DPYD: variants seen among roughly 807,000 people sequenced by gnomAD.
DPYD encodes the protein dihydropyrimidine dehydrogenase, also known as dihydropyrimidine dehydrogenase [NADP(+)].
DPYD carries 109 observed loss-of-function variants against 116.2 expected under a neutral mutation model. That is an observed-to-expected ratio of 0.94 (90% CI 0.80 to 1.10). DPYD has a LOEUF of 1.10. DPYD is among the 50% of genes least tolerant of loss of function. DPYD has a pLI of 0.00. For synonymous variants in DPYD, 440 were observed against 432.0 expected, an observed-to-expected ratio of 1.02 and a Z score of -0.23; for missense variants, 1,302 against 1,254.5, an observed-to-expected ratio of 1.04 and a Z score of -0.57.
At chr1:97,281,827 A>G (rs1665342077) in intron 18 of DPYD, among the ~76,000 whole-genome samples, 1 of 152,112 alleles carries the variant, frequency 6.6e-6, no homozygotes, top group Admixed American at 6.6e-5. Flanking sequence ...ACAAAGTGCA[A>G]TATCATGAGT....
chr1:97,220,624 T>C (rs1260507560), intron 19 of DPYD, among the ~76,000 whole-genome samples: 2 of 152,294 alleles, frequency 1.3e-5, no homozygotes, highest in African/African-American at 4.8e-5. Context: ...GATAGTTCAT[T>C]GAGGACATTA....
At chr1:97,147,638 G>C (rs1328159077) in intron 20 of DPYD, among the ~76,000 whole-genome samples, 3 of 152,100 alleles carry the variant, frequency 2.0e-5, no homozygotes, top group African/African-American at 4.8e-5. Context: ...ATAAAGATAA[G>C]ACTATCCAAA....
At chr1:97,582,631 T>C (rs770074182) in intron 10 of DPYD, among the ~76,000 whole-genome samples, 1 of 152,212 alleles carries the variant, frequency 6.6e-6, no homozygotes, top group Non-Finnish European at 1.5e-5. Flanking sequence ...TTCTTTTAAT[T>C]AGGCAAAAAA....
chr1:97,540,131 C>T (rs111710181), intron 12 of DPYD, among the ~76,000 whole-genome samples: 2,678 of 151,468 alleles, frequency 0.018, 34 homozygotes, highest in Non-Finnish European at 0.028. Context: ...CTGACACTAT[C>T]TACCTGATGA....
At chr1:97,164,196 T>G (rs901676254) in intron 20 of DPYD, among the ~76,000 whole-genome samples, 1 of 152,208 alleles carries the variant, frequency 6.6e-6, no homozygotes, top group African/African-American at 2.4e-5. Context: ...TCTCAATAGA[T>G]GCAGAAAAGG....
rs1355026777 is a variant in DPYD at position 97,760,502 on chromosome 1, T to C, written c.234-20023A>G. 2.6e-5 allele frequency among the ~76,000 whole-genome samples: 4 copies of C among 152,286 alleles called. No individual in the cohort carries two copies. In the East Asian group the frequency reaches 7.7e-4, roughly 29 times the overall value. On this transcript the variant is annotated intron_variant, in intron 3 of 22. Transcript: ENST00000370192. ...CTATTTATATTTGTATTTACATTTT[T>C]TAGGTATATGAGTAATCTAGAGATG...
chr1:97,545,872 G>T (rs1570936200), intron 12 of DPYD: 1 of 1,078,440 alleles, frequency 9.3e-7, no homozygotes, highest in Non-Finnish European at 1.4e-6. Context: ...TCTTAGACAG[G>T]TTTCTAATCA....
At chr1:97,454,824 A>G (rs1676597976) in intron 13 of DPYD, among the ~76,000 whole-genome samples, 1 of 151,930 alleles carries the variant, frequency 6.6e-6, no homozygotes, top group South Asian at 2.1e-4. Flanking sequence ...AATGAACACA[A>G]AAAGAAAACT....
At chr1:97,315,826 T>C (rs1053309872) in intron 16 of DPYD, among the ~76,000 whole-genome samples, 1 of 151,892 alleles carries the variant, frequency 6.6e-6, no homozygotes, top group Non-Finnish European at 1.5e-5. Context: ...AGCCAATATA[T>C]GCTCAGGGGA....
At chr1:97,396,597 G>A (rs895972186) in intron 14 of DPYD, among the ~76,000 whole-genome samples, 13 of 152,144 alleles carry the variant, frequency 8.5e-5, no homozygotes, top group Non-Finnish European at 1.6e-4. Context: ...ATGATTCACA[G>A]CTTCCTGACC....
At chr1:97,449,516 C>A (rs1570751610) in intron 14 of DPYD, among the ~76,000 whole-genome samples, 1 of 151,932 alleles carries the variant, frequency 6.6e-6, no homozygotes, top group African/African-American at 2.4e-5. Flanking sequence ...AAAATATTAT[C>A]TATTATATTC....
chr1:97,840,286 T>C (rs975452318), intron 2 of DPYD, among the ~76,000 whole-genome samples: 2 of 151,814 alleles, frequency 1.3e-5, no homozygotes. Context: ...ATCAACGAAA[T>C]AGGAGTAATT....
intron 14 of DPYD, among the ~76,000 whole-genome samples, chr1:97,432,625 G>A (rs1362751273): frequency 6.6e-6 from 1 of 151,738 alleles, no homozygotes; most frequent in East Asian, 1.9e-4. Flanking sequence ...TGTTGATCTT[G>A]GGCCACACTT....
intron 3 of DPYD, among the ~76,000 whole-genome samples, chr1:97,760,597 C>G (rs1665521059): frequency 6.6e-6 from 1 of 151,952 alleles, no homozygotes; most frequent in East Asian, 1.9e-4. Flanking sequence ...CATTTTATAT[C>G]AGGGACTTGA....
At chr1:97,515,123 C>A (rs1445324835) in intron 13 of DPYD, among the ~76,000 whole-genome samples, 1 of 151,896 alleles carries the variant, frequency 6.6e-6, no homozygotes, top group Non-Finnish European at 1.5e-5. Context: ...AAGCATCTTA[C>A]TTTGAAAACA....
At chr1:97,585,669 A>G (rs1654042878) in intron 10 of DPYD, among the ~76,000 whole-genome samples, 1 of 152,206 alleles carries the variant, frequency 6.6e-6, no homozygotes, top group South Asian at 2.1e-4. Context: ...TAGCATATAC[A>G]TTGACTAATG....
chr1:97,129,107 C>A (rs969912512), intron 20 of DPYD, among the ~76,000 whole-genome samples: 1 of 150,754 alleles, frequency 6.6e-6, no homozygotes, highest in Non-Finnish European at 1.5e-5. Context: ...CTCTGTCACC[C>A]AGGATGGAGT....
At chr1:97,397,288 T>C (rs1673067399) in intron 14 of DPYD, among the ~76,000 whole-genome samples, 1 of 152,040 alleles carries the variant, frequency 6.6e-6, no homozygotes, top group South Asian at 2.1e-4. Context: ...CATGTAGTAG[T>C]AGTAGCAGCT....
At chr1:97,162,794 T>C (rs1284763601) in intron 20 of DPYD, among the ~76,000 whole-genome samples, 8 of 152,094 alleles carry the variant, frequency 5.3e-5, no homozygotes, top group Admixed American at 3.3e-4. Flanking sequence ...TATAGATCAA[T>C]GGAACAGAAC....
Sources: gnomAD v4.1 joint callset for allele counts (sites outside exome capture counted in the v4.1 genomes callset) on GRCh38, gnomAD v4.1.1 for gene constraint, MANE v1.5 for transcripts, NCBI Gene and HGNC (gene_info 2026-07-23, HGNC 2026-07-21) for gene names.